The following PI4KA variants were observed in gnomAD, a reference collection of about 807,000 sequenced individuals.
The protein encoded by PI4KA is phosphatidylinositol 4-kinase alpha, also known as PI4-kinase alpha.
In PI4KA, 122 loss-of-function variants were observed where a neutral mutation model predicts 271.4. The observed-to-expected ratio is 0.45, with a 90% CI of 0.39 to 0.52. The LOEUF (loss-of-function observed/expected upper bound fraction) is 0.52, where lower values mean the gene tolerates loss of function less well. Ranked by LOEUF, PI4KA falls within the 20% of genes least tolerant of loss-of-function variation. The pLI is 0.00. For missense variants in PI4KA, 1,969 were observed against 2,769.1 expected (o/e 0.71, Z 6.48); for synonymous variants, 1,041 against 1,078.8 (o/e 0.96, Z 0.69).
At chr22:20,794,192 G>A (rs927388097) in intron 18 of PI4KA, among the ~76,000 whole-genome samples, 7 of 152,234 alleles carry the variant, frequency 4.6e-5, no homozygotes, top group African/African-American at 1.2e-4. Context: ...CTGGGAAACC[G>A]ATAGCCTAAG....
At chr22:20,790,881 AC>A (rs1187151222) in intron 19 of PI4KA, among the ~76,000 whole-genome samples, 6 of 152,064 alleles carry the variant, frequency 3.9e-5, no homozygotes, top group Non-Finnish European at 7.4e-5. Context: ...CCATAATATA[AC>A]CATTAACTTT....
intron 13 of PI4KA, among the ~76,000 whole-genome samples, 182 bp downstream of exon 13, chr22:20,803,009 T>C (rs1261372186): frequency 6.6e-6 from 1 of 151,754 alleles, no homozygotes; most frequent in African/African-American, 2.4e-5. Flanking sequence ...GTAACAGGAA[T>C]ACAGGATGAG....
At chr22:20,728,823 C>T (rs1237644919) in intron 39 of PI4KA, among the ~76,000 whole-genome samples, 2 of 152,206 alleles carry the variant, frequency 1.3e-5, no homozygotes, top group Admixed American at 6.5e-5. Context: ...ACTCTGCAGT[C>T]CCTCTCAGCC....
At chr22:20,826,873 C>T (rs903839491) in intron 3 of PI4KA, among the ~76,000 whole-genome samples, 3 of 149,312 alleles carry the variant, frequency 2.0e-5, no homozygotes, top group Admixed American at 6.8e-5. Context: ...AGTATCTATT[C>T]GTCCTTGGCT....
Position 20,807,431 on chromosome 22 carries a change from T to C in PI4KA, c.1099A>G (p.Thr367Ala), listed in dbSNP as rs542084506. ...AGGTAGAGAGGGTCACTGAAGGAAG[T>C]GTAGTAGAGATCAGCACTGGGGTTG... is the stretch of plus-strand genomic sequence containing the variant. Reference protein sequence around the residue: ...EANPSADLYYTSFSDPLYLTM... With the variant: ...EANPSADLYYASFSDPLYLTM... The change falls in exon 10 of 55, where the codon ACT becomes GCT. Residue 367 changes from threonine to alanine, a missense_variant. Thr to Ala is a moderately conservative substitution (Grantham distance 58, BLOSUM62 0). This residue lies in a region of PI4KA where 540 missense variants were observed against 555.5 expected (regional missense o/e 0.97). Coordinates refer to ENST00000255882, the MANE Select transcript of PI4KA (RefSeq NM_058004.4). The C allele has an allele frequency of 1.2e-6, 2 of 1,612,972 alleles. No individual in the cohort carries two copies. Among genetic ancestry groups the C allele is most frequent in the Admixed American group, 1.7e-5 (1 of 60,008 alleles).
chr22:20,735,754 TG>T (rs1286459004), intron 32 of PI4KA, among the ~76,000 whole-genome samples: 1 of 152,248 alleles, frequency 6.6e-6, no homozygotes, highest in Non-Finnish European at 1.5e-5. Flanking sequence ...CTCTGTCTGC[TG>T]CTTCCCTCTA....
rs755461866 is a variant in PI4KA, at chr22:20,729,990, T to A, written c.4310A>T (p.Asn1437Ile). The change falls in exon 37 of 55, where the codon AAC becomes ATC. Residue 1437 changes from asparagine to isoleucine, a missense_variant. Asn to Ile is a moderately radical substitution (Grantham distance 149). Transcript: ENST00000255882. ...CCGAGAGCCGACAGTTATGTCCAGG[T>A]TGCTCCGGGTGTCCTGATTATCTGA... ...VPPDNQDTRS[N>I]LDITVGSRQQ... 6.2e-7 allele frequency: 1 copy of A among 1,614,170 alleles called. No individual in the cohort carries two copies. The highest frequency in any genetic ancestry group is 1.7e-5 in the Admixed American group (1 of 60,018).
chr22:20,765,757 G>A (rs1932466484), intron 19 of PI4KA, 64 bp from the exon 20 acceptor site: 2 of 1,054,786 alleles, frequency 1.9e-6, no homozygotes, highest in Non-Finnish European at 3.0e-6. Flanking sequence ...AGCCCTGTAG[G>A]TGTAAAATCA....
At chr22:20,818,357 G>T in intron 7 of PI4KA, 126 bp downstream of exon 7, 1 of 581,614 alleles carries the variant, frequency 1.7e-6, no homozygotes. Context: ...CTTCCTAAAA[G>T]CTTGGCACTC....
At chr22:20,723,970 C>T (rs1416436450) in intron 42 of PI4KA, among the ~76,000 whole-genome samples, 2 of 151,842 alleles carry the variant, frequency 1.3e-5, no homozygotes, top group African/African-American at 4.8e-5. Flanking sequence ...TCCCAAGTAG[C>T]TGGGACTACG....
intron 19 of PI4KA, among the ~76,000 whole-genome samples, chr22:20,788,592 C>A (rs1297631971): frequency 6.6e-6 from 1 of 152,248 alleles, no homozygotes; most frequent in Non-Finnish European, 1.5e-5. Context: ...TCCTGACTTC[C>A]CACACTGGGC....
intron 19 of PI4KA, chr22:20,779,684 G>C: frequency 1.9e-6 from 3 of 1,614,206 alleles, no homozygotes; most frequent in Non-Finnish European, 2.5e-6. Flanking sequence ...GCCGGATCCA[G>C]CGTCTTAACA....
At chr22:20,721,217 G>A (rs890098110) in intron 43 of PI4KA, 81 bp downstream of exon 43, 21 of 1,489,356 alleles carry the variant, frequency 1.4e-5, no homozygotes, top group East Asian at 6.8e-5. Flanking sequence ...GCAGGCTGGC[G>A]AGAGCCCTGG....
chr22:20,767,291 A>C (rs1314292358), intron 19 of PI4KA, among the ~76,000 whole-genome samples: 2 of 151,928 alleles, frequency 1.3e-5, no homozygotes, highest in Non-Finnish European at 2.9e-5. Flanking sequence ...AAAATACAAA[A>C]ACATTAGCCG....
intron 30 of PI4KA, among the ~76,000 whole-genome samples, chr22:20,744,411 C>A (rs1447212390): frequency 6.6e-6 from 1 of 150,704 alleles, no homozygotes; most frequent in Non-Finnish European, 1.5e-5. Context: ...CCAAAGTGTA[C>A]ACAGAGTTAC....
At chr22:20,765,493 A>ATTATG in intron 20 of PI4KA, 92 bp downstream of exon 20, 1 of 877,186 alleles carries the variant, frequency 1.1e-6, no homozygotes, top group Non-Finnish European at 1.9e-6. Flanking sequence ...ACTCATTTAA[A>ATTATG]CATGCTCACA....
At chr22:20,802,156 T>A in intron 13 of PI4KA, 51 bp from the exon 14 acceptor site, 1 of 1,549,932 alleles carries the variant, frequency 6.5e-7, no homozygotes, top group Non-Finnish European at 8.9e-7. Flanking sequence ...TCATTTTCCA[T>A]CACCTTCTTT....
At chr22:20,818,699 C>T (rs936337780) in intron 6 of PI4KA, 150 bp from the exon 7 acceptor site, 7 of 544,306 alleles carry the variant, frequency 1.3e-5, no homozygotes, top group East Asian at 6.9e-5. Flanking sequence ...ATCACAGCTA[C>T]AGCATTCTCT....
At chr22:20,837,164 G>A (rs79018377) in intron 2 of PI4KA, among the ~76,000 whole-genome samples, 2,168 of 152,296 alleles carry the variant, frequency 0.014, 20 homozygotes, top group Non-Finnish European at 0.02. Context: ...CTAGGCACGA[G>A]GATCACTTGA....
Sources: gnomAD v4.1 joint callset for allele counts (sites outside exome capture counted in the v4.1 genomes callset) on GRCh38, gnomAD v4.1.1 for gene constraint, gnomAD v4.1.1 regional missense constraint, MANE v1.5 for transcripts, NCBI Gene and HGNC (gene_info 2026-07-23, HGNC 2026-07-21) for gene names.